LMF1: variants seen among roughly 807,000 people sequenced by gnomAD.
LMF1 encodes transmembrane protein 112.
Under a neutral mutation model 60.6 loss-of-function variants are expected in LMF1, and 68 were observed. The observed-to-expected ratio is 1.12, with a 90% CI of 0.92 to 1.37. LMF1 has a LOEUF of 1.37. LMF1 is among the 40% of genes most tolerant of loss of function. The pLI is 0.00. For synonymous variants in LMF1, 418 were observed against 324.7 expected (o/e 1.29, Z -3.09); for missense variants, 948 against 767.2 (o/e 1.24, Z -2.78).
chr16:879,540 C>CACGGGGCAGGGCGG (rs1235251278), intron 6 of LMF1, 30 bp downstream of exon 6: 1 of 1,608,058 alleles, frequency 6.2e-7, no homozygotes, highest in African/African-American at 1.3e-5. Context: ...TCTCTGTGGA[C>CACGGGGCAGGGCGG]ACGGGGCAGG....
chr16:875,160 G>C (rs1001195244), intron 6 of LMF1, among the ~76,000 whole-genome samples: 1 of 152,042 alleles, frequency 6.6e-6, no homozygotes, highest in East Asian at 1.9e-4. Flanking sequence ...TGCCTGTGCC[G>C]GGTCTTTGAG....
At chr16:947,409 C>A in intron 2 of LMF1, 1 of 448,806 alleles carries the variant, frequency 2.2e-6, no homozygotes, top group South Asian at 1.6e-5. Flanking sequence ...CATTGAAGTC[C>A]TGGAGCCCAA....
At chr16:855,965 GGAT>G (rs1281173890) in intron 10 of LMF1, 10 of 455,852 alleles carry the variant, frequency 2.2e-5, no homozygotes, top group South Asian at 1.4e-4. Flanking sequence ...GGTGTGTGAT[GGAT>G]GATGATTCTT....
intron 10 of LMF1, among the ~76,000 whole-genome samples, chr16:856,517 G>A (rs756365052): frequency 2.0e-5 from 3 of 152,198 alleles, no homozygotes; most frequent in Non-Finnish European, 2.9e-5. Context: ...GGGGATCCTG[G>A]GAAGGCCTCC....
intron 1 of LMF1, chr16:979,077 G>A (rs991154938): frequency 6.6e-6 from 3 of 453,892 alleles, no homozygotes; most frequent in Non-Finnish European, 4.4e-6. Context: ...GGAGCTGTGA[G>A]GGTGGCCCGG....
At chr16:971,180 G>T (rs573982011), upstream of LMF1, among the ~76,000 whole-genome samples, 1 of 152,208 alleles carries the variant, frequency 6.6e-6, no homozygotes, top group Admixed American at 6.5e-5. Context: ...CCCGGAGCCT[G>T]CCTCCTTCGC....
intron 10 of LMF1, among the ~76,000 whole-genome samples, chr16:857,343 C>A (rs1404157432): frequency 6.6e-6 from 1 of 152,274 alleles, no homozygotes; most frequent in Non-Finnish European, 1.5e-5. Flanking sequence ...ACCCTCCCAG[C>A]AACAGCCGAG....
chr16:962,305 C>A lies in LMF1; in HGVS notation c.194-7639G>T, dbSNP rs2072825755. Among the ~76,000 whole-genome samples the A allele has an allele frequency of 6.6e-6, 1 of 152,242 alleles. No homozygotes were observed. Among genetic ancestry groups the A allele is most frequent in the African/African-American group, 2.4e-5 (1 of 41,448 alleles). ...GAGGGAAAATAAATGGGCGTGGGTC[C>A]ATAGTGACAAAATCAGTGACCACAA... On this transcript the variant is annotated intron_variant, in intron 1 of 10. Transcript: ENST00000262301. The surrounding 1 kb of genome is among the most constrained non-coding windows in gnomAD (Gnocchi z 4.5).
intron 5 of LMF1, among the ~76,000 whole-genome samples, chr16:881,741 G>A (rs991993934): frequency 1.2e-4 from 19 of 152,164 alleles, no homozygotes; most frequent in African/African-American, 2.9e-4. Context: ...GGGTTGCGGC[G>A]AGACCCATGC....
At chr16:906,658 C>G (rs143946682) in intron 4 of LMF1, among the ~76,000 whole-genome samples, 8 of 152,224 alleles carry the variant, frequency 5.3e-5, no homozygotes, top group Admixed American at 2.6e-4. Flanking sequence ...TTCTGTCCCT[C>G]GAGGGAACCC....
intron 4 of LMF1, among the ~76,000 whole-genome samples, chr16:910,135 T>C (rs2071070235): frequency 6.6e-6 from 1 of 152,184 alleles, no homozygotes; most frequent in African/African-American, 2.4e-5. Flanking sequence ...CTCTGGTCAG[T>C]GTGGCAGACG....
At chr16:964,837 G>A (rs1182605171) in intron 1 of LMF1, among the ~76,000 whole-genome samples, 2 of 152,216 alleles carry the variant, frequency 1.3e-5, no homozygotes, top group Non-Finnish European at 2.9e-5. Flanking sequence ...TCAGAGACAC[G>A]CTACCAATGG....
chr16:952,323 T>A (rs1238190325), intron 2 of LMF1, among the ~76,000 whole-genome samples: 6 of 148,184 alleles, frequency 4.0e-5, no homozygotes. Flanking sequence ...CCCCCACAGG[T>A]GCCCTGATGC....
At chr16:979,374 C>G (rs1445729904) in intron 1 of LMF1, 1 of 353,660 alleles carries the variant, frequency 2.8e-6, no homozygotes, top group African/African-American at 2.1e-5. Flanking sequence ...CTGGCCTAGG[C>G]CCCCACCACC....
chr16:974,544 C>A (rs12448761), upstream of LMF1, among the ~76,000 whole-genome samples: 34,256 of 152,150 alleles, frequency 0.23, 4,419 homozygotes, highest in African/African-American at 0.35. Context: ...GAGGAAGGGA[C>A]GGACACCCCA....
At chr16:970,043 A>G (rs1436544193) in intron 1 of LMF1, among the ~76,000 whole-genome samples, 2 of 152,136 alleles carry the variant, frequency 1.3e-5, no homozygotes, top group African/African-American at 2.4e-5. Flanking sequence ...CCGCCAGTGG[A>G]CCCGGCCAAC....
chr16:873,569 T>G (rs1452087590), intron 6 of LMF1: 1 of 150,932 alleles, frequency 6.6e-6, no homozygotes, highest in East Asian at 2.0e-4. Flanking sequence ...GGGGACCCTC[T>G]GCCGAGGACA....
intron 4 of LMF1, chr16:900,592 C>T (rs922828099): frequency 6.6e-6 from 1 of 152,212 alleles, no homozygotes; most frequent in Non-Finnish European, 1.5e-5. Flanking sequence ...TCACTGCAAC[C>T]TCCGCCTCCC....
At chr16:889,894 G>A (rs562662988) in intron 5 of LMF1, among the ~76,000 whole-genome samples, 1 of 152,206 alleles carries the variant, frequency 6.6e-6, no homozygotes. Context: ...GTGAGAGGGG[G>A]GATGCAGCTC....
Sources: allele counts gnomAD v4.1 joint callset (sites outside exome capture counted in the v4.1 genomes callset), GRCh38; gene constraint gnomAD v4.1.1; non-coding constraint Gnocchi (gnomAD v3.1); transcripts MANE v1.5; gene names NCBI Gene and HGNC (gene_info 2026-07-23, HGNC 2026-07-21).